The following RYR2 variants were observed in gnomAD, a reference collection of about 807,000 sequenced individuals.
RYR2 encodes the protein cardiac muscle ryanodine receptor-calcium release channel.
RYR2 carries 227 observed loss-of-function variants against 601.1 expected under a neutral mutation model. The ratio of observed to expected loss-of-function variants is 0.38; its 90% confidence interval spans 0.34 to 0.42. RYR2 has a LOEUF of 0.42. Among genes scored for constraint, RYR2 ranks in the 10% least tolerant of loss-of-function variants. The pLI, the probability that RYR2 is intolerant of heterozygous loss-of-function variation, is 1.00. For synonymous variants in RYR2, 2,223 were observed against 2,175.1 expected (o/e 1.02, Z -0.61); for missense variants, 4,646 against 6,156.5 (o/e 0.75, Z 8.21).
Position 237,431,507 on chromosome 1 carries a change from C to T in RYR2, c.1005+8259C>T, listed in dbSNP as rs75652273. Among the ~76,000 whole-genome samples the T allele has an allele frequency of 4.5e-3, 689 of 152,140 alleles. 2 individuals are homozygous for T. The highest frequency in any genetic ancestry group is 7.8e-3 in the Non-Finnish European group (532 of 67,994). ...ATTTAATAACATATACTACTATATT[C>T]TTTAATAGAATTTGGCAATAATTCA... On this transcript the variant is annotated intron_variant, in intron 12 of 104. Transcript: ENST00000366574.
chr1:237,316,049 A>T (rs886658784), intron 2 of RYR2, among the ~76,000 whole-genome samples: 1 of 152,096 alleles, frequency 6.6e-6, no homozygotes, highest in Non-Finnish European at 1.5e-5. Flanking sequence ...CAGGTTAGAG[A>T]GATGACATCT....
chr1:237,172,692 ACTTC>A (rs1450575698), intron 1 of RYR2, among the ~76,000 whole-genome samples: 8 of 152,146 alleles, frequency 5.3e-5, no homozygotes, highest in Non-Finnish European at 1.5e-5. Context: ...TTATTGATGG[ACTTC>A]CTTTATGTAC....
chr1:237,754,679 T>A (rs1692798887), intron 80 of RYR2, among the ~76,000 whole-genome samples: 1 of 152,220 alleles, frequency 6.6e-6, no homozygotes, highest in East Asian at 1.9e-4. Context: ...CATGGAGCTC[T>A]GGCAATGGGA....
chr1:237,491,914 G>T lies in RYR2; in HGVS notation c.1817G>T (p.Arg606Ile). The T allele has an allele frequency of 8.0e-7, 1 of 1,246,476 alleles. No individual in the cohort carries two copies. 77.2% of individuals were successfully genotyped at this position (1,246,476 alleles called of 1,614,324 possible). A position where few individuals can be genotyped will look rare whatever the true frequency, so the allele number is the denominator to read the frequency against. Residue 606 changes from arginine (R) to isoleucine (I), a missense_variant, in exon 18 of 105, where the codon AGA becomes ATA. Physicochemically the swap from Arg to Ile is moderately conservative, Grantham distance 97 (BLOSUM62 -3). Around this residue, in one of 17 missense-constraint regions of RYR2, gnomAD observed 1,807 missense variants for 2,088.1 expected, o/e 0.87. Coordinates refer to ENST00000366574, the MANE Select transcript of RYR2 (RefSeq NM_001035.3). Reference sequence around the variant, plus strand: ...ATCTCACTTTTAGACAAACATGGAAGAAATCACAAGGTAAATGAACTATTT... The same window carrying T: ...ATCTCACTTTTAGACAAACATGGAATAAATCACAAGGTAAATGAACTATTT... ...SIISLLDKHG[R>I]NHKVLDVLCS...
intron 34 of RYR2, among the ~76,000 whole-genome samples, chr1:237,596,817 CA>C (rs1477205513): frequency 6.6e-6 from 1 of 152,178 alleles, no homozygotes; most frequent in African/African-American, 2.4e-5. Flanking sequence ...GCAAGTTTCT[CA>C]GCAGAAACCT....
At chr1:237,359,246 A>G (rs1390341020) in intron 4 of RYR2, among the ~76,000 whole-genome samples, 2 of 152,214 alleles carry the variant, frequency 1.3e-5, no homozygotes, top group Non-Finnish European at 2.9e-5. Flanking sequence ...AAAGTGTTGA[A>G]TATCTCATGT....
At chr1:237,781,118 T>C (rs767564400) in intron 88 of RYR2, among the ~76,000 whole-genome samples, 3 of 152,130 alleles carry the variant, frequency 2.0e-5, no homozygotes, top group Non-Finnish European at 2.9e-5. Flanking sequence ...GCGTGATCTC[T>C]GCTCACTGCA....
At chr1:237,403,881 A>G (rs1035551813) in intron 10 of RYR2, among the ~76,000 whole-genome samples, 1 of 152,240 alleles carries the variant, frequency 6.6e-6, no homozygotes, top group Non-Finnish European at 1.5e-5. Context: ...GATAAATACG[A>G]GAGTTAAATC....
intron 1 of RYR2, among the ~76,000 whole-genome samples, chr1:237,255,688 G>T (rs905892323): frequency 9.9e-5 from 15 of 152,076 alleles, no homozygotes; most frequent in African/African-American, 3.6e-4. Context: ...GATCTATCAC[G>T]ATACTGAAAT....
chr1:237,537,775 T>C (rs1668805923), intron 25 of RYR2, among the ~76,000 whole-genome samples: 2 of 152,166 alleles, frequency 1.3e-5, no homozygotes, highest in Admixed American at 6.5e-5. Context: ...TGTAATACTG[T>C]TTAAAGTTTA....
chr1:237,237,656 A>G (rs934413134), intron 1 of RYR2, among the ~76,000 whole-genome samples: 1 of 152,154 alleles, frequency 6.6e-6, no homozygotes, highest in Non-Finnish European at 1.5e-5. Context: ...ACCCCAAAAT[A>G]TATTTCTTTG....
At chr1:237,169,971 G>A (rs1040109789) in intron 1 of RYR2, among the ~76,000 whole-genome samples, 20 of 152,094 alleles carry the variant, frequency 1.3e-4, no homozygotes, top group African/African-American at 4.8e-4. Context: ...AGTGCTTTTT[G>A]TGGAAAGTTG....
At chr1:237,607,703 T>C (rs1473478176) in intron 35 of RYR2, among the ~76,000 whole-genome samples, 18 of 152,222 alleles carry the variant, frequency 1.2e-4, no homozygotes, top group Admixed American at 1.2e-3. Context: ...TTGACCATGC[T>C]AATCAAAAAG....
intron 44 of RYR2, among the ~76,000 whole-genome samples, chr1:237,637,167 T>A (rs1414747393): frequency 6.6e-6 from 1 of 152,188 alleles, no homozygotes; most frequent in African/African-American, 2.4e-5. Flanking sequence ...AGAGATGAGT[T>A]TATTGCACAT....
At chr1:237,479,016 G>A (rs1661728496) in intron 17 of RYR2, among the ~76,000 whole-genome samples, 1 of 152,206 alleles carries the variant, frequency 6.6e-6, no homozygotes, top group African/African-American at 2.4e-5. Flanking sequence ...TTTTCTGGAG[G>A]CTTCGTAACC....
chr1:237,532,541 T>C (rs771012063), intron 25 of RYR2, among the ~76,000 whole-genome samples: 1 of 151,992 alleles, frequency 6.6e-6, no homozygotes, highest in East Asian at 1.9e-4. Context: ...TCCAAACCAC[T>C]CTCAGGTTTT....
At chr1:237,652,093 A>G (rs1469749095) in intron 51 of RYR2, among the ~76,000 whole-genome samples, 1 of 152,206 alleles carries the variant, frequency 6.6e-6, no homozygotes, top group East Asian at 1.9e-4. Flanking sequence ...AAGTTGGAAA[A>G]CATGGTAATA....
In RYR2 at chr1:237,819,380, T is replaced by C. The variant is rs1175691260; in HGVS notation, c.14590+188T>C. 6.6e-6 allele frequency among the ~76,000 whole-genome samples: 1 copy of C among 152,188 alleles called. No homozygotes were observed. The highest frequency in any genetic ancestry group is 1.5e-5 in the Non-Finnish European group (1 of 68,034). On this transcript the variant is annotated intron_variant, in intron 101 of 104. Coordinates refer to ENST00000366574, the MANE Select transcript of RYR2 (RefSeq NM_001035.3). This position sits in a 1 kb window ranked among gnomAD's most constrained non-coding sequence, Gnocchi z 4.0. ...TATAAAGCGGTATGGAACCCTGGTATGAAGGGAAGATACAGTGTTATTTTG... is the reference window on the plus strand; with the variant it reads ...TATAAAGCGGTATGGAACCCTGGTACGAAGGGAAGATACAGTGTTATTTTG...
chr1:237,365,414 C>T (rs1175160522), intron 5 of RYR2, among the ~76,000 whole-genome samples: 3 of 152,242 alleles, frequency 2.0e-5, no homozygotes, highest in South Asian at 2.1e-4. Flanking sequence ...GCGAATTCGG[C>T]GTTTTGGATG....
Sources: gnomAD v4.1 joint callset for allele counts (sites outside exome capture counted in the v4.1 genomes callset) on GRCh38, gnomAD v4.1.1 for gene constraint, gnomAD v4.1.1 regional missense constraint, Gnocchi (gnomAD v3.1) non-coding constraint, MANE v1.5 for transcripts, NCBI Gene and HGNC (gene_info 2026-07-23, HGNC 2026-07-21) for gene names.